The following PDE1C variants were observed in gnomAD, a reference collection of about 807,000 sequenced individuals.
PDE1C encodes the protein phosphodiesterase 1C.
PDE1C carries 62 observed loss-of-function variants against 93.1 expected under a neutral mutation model. The ratio of observed to expected loss-of-function variants is 0.67; its 90% CI spans 0.54 to 0.82. The LOEUF (loss-of-function observed/expected upper bound fraction) is 0.82, where lower values mean the gene tolerates loss of function less well. Among genes scored for constraint, PDE1C ranks in the 40% least tolerant of loss-of-function variants. The pLI is 0.00. For synonymous variants in PDE1C, 325 were observed against 310.1 expected (o/e 1.05, Z -0.50); for missense variants, 742 against 884.6 (o/e 0.84, Z 2.04).
intron 1 of PDE1C, among the ~76,000 whole-genome samples, chr7:32,360,919 C>T (rs1448585468): frequency 6.6e-6 from 1 of 152,112 alleles, no homozygotes; most frequent in Non-Finnish European, 1.5e-5. Flanking sequence ...TAAGTGAGCA[C>T]TTACTGTATG....
At chr7:31,819,404 G>C (rs1483243356) in intron 14 of PDE1C, among the ~76,000 whole-genome samples, 1 of 152,142 alleles carries the variant, frequency 6.6e-6, no homozygotes, top group Non-Finnish European at 1.5e-5. Flanking sequence ...CAAGAAAAAG[G>C]ACTTGAGAAC....
chr7:31,895,856 T>G (rs1799240921), intron 2 of PDE1C, among the ~76,000 whole-genome samples: 1 of 152,128 alleles, frequency 6.6e-6, no homozygotes, highest in African/African-American at 2.4e-5. Context: ...GCTCCTCTTT[T>G]GCCTTCTGCC....
intron 2 of PDE1C, among the ~76,000 whole-genome samples, chr7:32,027,318 C>G (rs1447555161): frequency 6.6e-6 from 1 of 151,788 alleles, no homozygotes; most frequent in Admixed American, 6.6e-5. Context: ...TGCTGTAAAC[C>G]TAAAACTGCT....
intron 1 of PDE1C, among the ~76,000 whole-genome samples, chr7:32,415,829 G>A (rs932525209): frequency 6.6e-6 from 1 of 152,240 alleles, no homozygotes. Context: ...TTATAGGCTA[G>A]TCATCTCCAA....
At chr7:32,191,798 C>G (rs1211271071) in intron 2 of PDE1C, among the ~76,000 whole-genome samples, 2 of 152,146 alleles carry the variant, frequency 1.3e-5, no homozygotes, top group African/African-American at 4.8e-5. Flanking sequence ...TACCAAGTTA[C>G]TTTTCAGAAT....
intron 2 of PDE1C, among the ~76,000 whole-genome samples, chr7:32,197,409 T>A (rs567966529): frequency 4.6e-5 from 7 of 152,268 alleles, no homozygotes; most frequent in Admixed American, 4.6e-4. Flanking sequence ...AATGTTGAAC[T>A]TAGAGTTACC....
chr7:31,681,384 GAT>G, the PDE1C span, among the ~76,000 whole-genome samples: 2 of 150,174 alleles, frequency 1.3e-5, no homozygotes, highest in African/African-American at 2.5e-5. Context: ...TGGATGGATG[GAT>G]GGATGGATGG....
At chr7:31,839,829 G>A (rs945712023) in intron 9 of PDE1C, among the ~76,000 whole-genome samples, 1 of 152,210 alleles carries the variant, frequency 6.6e-6, no homozygotes, top group East Asian at 1.9e-4. Flanking sequence ...CTGAGGTCAG[G>A]AGTTCGAGAC....
At chr7:31,727,807 C>T in the PDE1C span, among the ~76,000 whole-genome samples, 1 of 151,918 alleles carries the variant, frequency 6.6e-6, no homozygotes, top group Non-Finnish European at 1.5e-5. Flanking sequence ...TTTGGGAGGC[C>T]CAGGCAGGAG....
At chr7:32,018,526 G>A (rs1000775076) in intron 2 of PDE1C, among the ~76,000 whole-genome samples, 2 of 152,130 alleles carry the variant, frequency 1.3e-5, no homozygotes, top group Non-Finnish European at 2.9e-5. Context: ...CAACATGGAT[G>A]AATCTTGAAA....
At chr7:32,154,369 G>A (rs1801442494) in intron 3 of PDE1C, among the ~76,000 whole-genome samples, 2 of 152,072 alleles carry the variant, frequency 1.3e-5, no homozygotes, top group Non-Finnish European at 2.9e-5. Flanking sequence ...AATGATTATA[G>A]ACACACAAGA....
rs979717882 is a variant in PDE1C, at chr7:32,258,502, G to A, written c.85+40149C>T. On this transcript the variant is annotated intron_variant, in intron 1 of 18. Transcript: ENST00000396193. ...CCCTGCACGTGGGGGTGACTGATGT[G>A]CTGAGGGACAAGGGCAAGGGCACGC... Among the ~76,000 whole-genome samples, 13 of 152,184 alleles carry A rather than the reference G, an allele frequency of 8.5e-5. No individual in the cohort carries two copies. The South Asian group carries it at 1.0e-3, about 12-fold the overall frequency.
At chr7:31,681,394 T>TGGATGGATGGAG in the PDE1C span, among the ~76,000 whole-genome samples, 1 of 10,010 alleles carries the variant, frequency 1.0e-4, no homozygotes, top group Non-Finnish European at 2.1e-4. Context: ...GATGGATGGA[T>TGGATGGATGGAG]GGATGGATGG....
At chr7:31,903,199 T>C (rs927555101) in intron 2 of PDE1C, among the ~76,000 whole-genome samples, 2 of 151,864 alleles carry the variant, frequency 1.3e-5, no homozygotes, top group Non-Finnish European at 2.9e-5. Flanking sequence ...AAAAATGAGA[T>C]TTCTGAAAGA....
intron 1 of PDE1C, among the ~76,000 whole-genome samples, chr7:32,247,242 T>TACAATGGCTCAACTTACAATTGTTC (rs1422059776): frequency 8.0e-6 from 1 of 124,376 alleles, no homozygotes; most frequent in East Asian, 2.5e-4. Flanking sequence ...TTGTGCGAAT[T>TACAATGGCTCAACTTACAATTGTTC]GAAGCAGTGG....
the PDE1C span, among the ~76,000 whole-genome samples, chr7:31,625,636 G>C: frequency 3.3e-5 from 5 of 152,130 alleles, no homozygotes; most frequent in Middle Eastern, 3.4e-3. Context: ...GTGGGAGGAG[G>C]GGGGAGGGAT....
intron 1 of PDE1C, among the ~76,000 whole-genome samples, chr7:32,424,947 C>A (rs1785499344): frequency 6.6e-6 from 1 of 152,072 alleles, no homozygotes. Context: ...AACCAGACAA[C>A]CTGTGTTTAA....
At chr7:32,327,025 C>T (rs1235432388) in intron 1 of PDE1C, among the ~76,000 whole-genome samples, 2 of 152,130 alleles carry the variant, frequency 1.3e-5, no homozygotes, top group African/African-American at 4.8e-5. Context: ...GAGCAAAACA[C>T]CCGAGTCATC....
the PDE1C span, among the ~76,000 whole-genome samples, chr7:31,627,659 C>CAAAAAAAAAAAAA: frequency 2.6e-5 from 2 of 75,540 alleles, no homozygotes; most frequent in African/African-American, 5.3e-5. Flanking sequence ...GACACTGTCT[C>CAAAAAAAAAAAAA]AAAAAAAAAA....
Sources: allele counts gnomAD v4.1 joint callset (sites outside exome capture counted in the v4.1 genomes callset), GRCh38; gene constraint gnomAD v4.1.1; transcripts MANE v1.5; gene names NCBI Gene and HGNC (gene_info 2026-07-23, HGNC 2026-07-21).